The following PLAC1 variants were observed in gnomAD, a reference collection of about 807,000 sequenced individuals.
PLAC1 encodes placenta associated 1, also known as placenta-specific protein 1.
For missense variants in PLAC1, 136 were observed against 163.2 expected (o/e 0.83, Z 0.91); for synonymous variants, 68 against 62.1 (o/e 1.09, Z -0.44).
chrX:134,743,092 G>A (rs2078720858), intron 1 of PLAC1, among the ~76,000 whole-genome samples: 1 of 111,782 alleles, frequency 8.9e-6, no homozygotes, highest in Admixed American at 9.5e-5. Context: ...GTTTGAGAGG[G>A]ATAAATGTGA....
chrX:134,670,290 G>C (rs1400354691), intron 2 of PLAC1, among the ~76,000 whole-genome samples: 2 of 110,669 alleles, frequency 1.8e-5, no homozygotes, highest in Non-Finnish European at 3.8e-5. Context: ...CAGGCAAAGG[G>C]ACCCAACTGC....
chrX:134,643,632 G>A (rs2078317357), intron 1 of PLAC1, among the ~76,000 whole-genome samples: 1 of 111,643 alleles, frequency 9.0e-6, no homozygotes, highest in African/African-American at 3.2e-5. Flanking sequence ...TAAAGGAAAA[G>A]ATAATATGAT....
intron 2 of PLAC1, among the ~76,000 whole-genome samples, chrX:134,707,583 T>C (rs371061168): frequency 2.1e-4 from 23 of 112,006 alleles, no homozygotes; most frequent in African/African-American, 7.5e-4. Context: ...CATGGGGTGT[T>C]TGGTTTTCTG....
intron 2 of PLAC1, among the ~76,000 whole-genome samples, chrX:134,676,728 T>C (rs778622912): frequency 2.7e-5 from 3 of 111,891 alleles, no homozygotes; most frequent in Non-Finnish European, 5.6e-5. Flanking sequence ...ATCAGGTCCA[T>C]TGTCTAGTCT....
intron 2 of PLAC1, among the ~76,000 whole-genome samples, chrX:134,678,123 G>A (rs1329622586): frequency 9.0e-6 from 1 of 111,064 alleles, no homozygotes; most frequent in African/African-American, 3.3e-5. Context: ...CCACATCACA[G>A]CCAGGCTGAT....
At position 134,603,039 on chromosome X, in the gene PLAC1, G is replaced by T. The variant is rs780283567; in HGVS notation, c.-130-917C>A. ...GCAGAAGAAAGAGAGGCAGTTGGGAGTAATGTTAAGTGAGCTAAATCTTCC... is the reference window on the plus strand; with the variant it reads ...GCAGAAGAAAGAGAGGCAGTTGGGATTAATGTTAAGTGAGCTAAATCTTCC... On this transcript the variant is annotated intron_variant, in intron 1 of 2. Coordinates refer to ENST00000359237, the MANE Select transcript of PLAC1 (RefSeq NM_021796.4). Among the ~76,000 whole-genome samples, 3 of 105,874 alleles carry T rather than the reference G, an allele frequency of 2.8e-5. No homozygotes were observed. In the South Asian group the frequency reaches 1.3e-3, roughly 47 times the overall value. 91.9% of individuals were successfully genotyped at this position (105,874 alleles called of 115,157 possible). A position where few individuals can be genotyped will look rare whatever the true frequency, so the allele number is the denominator to read the frequency against.
chrX:134,684,359 T>C (rs1278980182), intron 2 of PLAC1, among the ~76,000 whole-genome samples: 1 of 106,366 alleles, frequency 9.4e-6, no homozygotes, highest in East Asian at 2.9e-4. Context: ...GTTCTAGGGA[T>C]TGAATCTTAC....
chrX:134,571,501 G>C (rs183441996), intron 2 of PLAC1, among the ~76,000 whole-genome samples: 1 of 111,305 alleles, frequency 9.0e-6, no homozygotes, highest in Admixed American at 9.6e-5. Flanking sequence ...GCACAGCATG[G>C]TGAGTTCAGC....
At chrX:134,756,202 AG>A (rs1276382666) in intron 1 of PLAC1, among the ~76,000 whole-genome samples, 1 of 110,530 alleles carries the variant, frequency 9.0e-6, no homozygotes, top group African/African-American at 3.3e-5. Context: ...ATGCAAAAAA[AG>A]GTTTTTACTT....
intron 2 of PLAC1, among the ~76,000 whole-genome samples, chrX:134,676,267 G>C (rs753183211): frequency 3.6e-5 from 4 of 111,340 alleles, no homozygotes; most frequent in Admixed American, 9.5e-5. Context: ...TCTCTCAGTG[G>C]GGGCTGGCGG....
chrX:134,590,989 T>C (rs5978019), intron 2 of PLAC1, among the ~76,000 whole-genome samples: 57,611 of 108,545 alleles, frequency 0.53, 12,111 homozygotes, highest in East Asian at 0.91. Context: ...AGACAGCACA[T>C]GTCGAGAGAA....
intron 1 of PLAC1, among the ~76,000 whole-genome samples, chrX:134,748,655 C>T (rs759628875): frequency 2.7e-5 from 3 of 112,155 alleles, no homozygotes. Context: ...TCTTTGAAAA[C>T]TTAATTTGGT....
chrX:134,624,731 G>A (rs2078226927), intron 1 of PLAC1, among the ~76,000 whole-genome samples: 2 of 111,655 alleles, frequency 1.8e-5, no homozygotes, highest in South Asian at 3.8e-4. Flanking sequence ...GTATCTTAAT[G>A]GCTGTTTTCA....
chrX:134,687,868 A>G (rs1486013129), intron 2 of PLAC1, among the ~76,000 whole-genome samples: 8 of 60,190 alleles, frequency 1.3e-4, no homozygotes, highest in South Asian at 1.2e-3. Flanking sequence ...ATATATATAT[A>G]GCACCTAGCA....
chrX:134,737,428 A>G (rs2078705852), intron 1 of PLAC1, among the ~76,000 whole-genome samples: 1 of 112,416 alleles, frequency 8.9e-6, no homozygotes. Context: ...CCGGGGTGTT[A>G]ACTGGTGTGG....
chrX:134,727,368 A>T (rs766508285), intron 2 of PLAC1, among the ~76,000 whole-genome samples: 1 of 112,176 alleles, frequency 8.9e-6, no homozygotes, highest in East Asian at 2.8e-4. Context: ...TCATTCTGAC[A>T]TAAAGGCAGA....
intron 2 of PLAC1, among the ~76,000 whole-genome samples, chrX:134,583,372 G>T (rs1447291223): frequency 9.8e-6 from 1 of 102,094 alleles, no homozygotes; most frequent in South Asian, 5.0e-4. Context: ...TCACAGGCGT[G>T]AGCCACTATG....
At chrX:134,685,449 C>CTTTT (rs200498313) in intron 2 of PLAC1, among the ~76,000 whole-genome samples, 41 of 49,129 alleles carry the variant, frequency 8.3e-4, no homozygotes, top group Middle Eastern at 0.02. Context: ...AATGGCGTCC[C>CTTTT]TTTTTTTTTT....
At chrX:134,609,264 T>G (rs1326439406) in intron 1 of PLAC1, among the ~76,000 whole-genome samples, 1 of 111,537 alleles carries the variant, frequency 9.0e-6, no homozygotes, top group African/African-American at 3.3e-5. Flanking sequence ...CTTATATCTG[T>G]TCATAGCTCC....
Sources: gnomAD v4.1 joint callset for allele counts (sites outside exome capture counted in the v4.1 genomes callset) on GRCh38, gnomAD v4.1.1 for gene constraint, MANE v1.5 for transcripts, NCBI Gene and HGNC (gene_info 2026-07-23, HGNC 2026-07-21) for gene names.